Variants in ASAP3 observed in about 807,000 individuals in gnomAD.
ASAP3 encodes the protein arf-GAP with SH3 domain, ANK repeat and PH domain-containing protein 3.
A neutral mutation model predicts 118.2 loss-of-function variants in ASAP3; 85 were observed. That is an observed-to-expected ratio of 0.72 (90% CI 0.60 to 0.86). ASAP3 has a LOEUF of 0.86. Among genes scored for constraint, ASAP3 ranks in the 40% least tolerant of loss-of-function variants. ASAP3 has a pLI of 0.00. For missense variants in ASAP3, 1,026 were observed against 1,175.0 expected, an observed-to-expected ratio of 0.87 and a Z score of 1.85; for synonymous variants, 432 against 477.4, an observed-to-expected ratio of 0.90 and a Z score of 1.24.
chr1:23,481,227 G>A (rs1430621046), intron 1 of ASAP3, among the ~76,000 whole-genome samples: 1 of 152,130 alleles, frequency 6.6e-6, no homozygotes, highest in Non-Finnish European at 1.5e-5. Context: ...GATCTGCCCA[G>A]GGTCCTTCCC....
chr1:23,479,983 G>C (rs1407596720), intron 1 of ASAP3: 1 of 152,004 alleles, frequency 6.6e-6, no homozygotes, highest in South Asian at 2.1e-4. Flanking sequence ...AAGACCAGCC[G>C]GGCAACATAG....
intron 1 of ASAP3, among the ~76,000 whole-genome samples, chr1:23,466,506 C>A (rs147736230): frequency 7.2e-5 from 11 of 152,186 alleles, no homozygotes; most frequent in African/African-American, 2.7e-4. Context: ...CCCTTTGTGT[C>A]CCCTACCCTG....
intron 1 of ASAP3, among the ~76,000 whole-genome samples, chr1:23,456,416 C>T (rs1044462477): frequency 6.6e-6 from 1 of 152,164 alleles, no homozygotes; most frequent in Admixed American, 6.5e-5. Context: ...AAGAAGACCA[C>T]AGACTTTTCT....
chr1:23,466,812 T>C (rs1054432304), intron 1 of ASAP3, among the ~76,000 whole-genome samples: 4 of 152,354 alleles, frequency 2.6e-5, no homozygotes, highest in African/African-American at 9.6e-5. Context: ...TGGACCATTA[T>C]AATATAGTAC....
intron 1 of ASAP3, among the ~76,000 whole-genome samples, chr1:23,480,646 G>A (rs1048256486): frequency 5.9e-5 from 9 of 152,132 alleles, no homozygotes; most frequent in Admixed American, 2.0e-4. Context: ...AATCAAAGTA[G>A]CATCTTTATG....
intron 1 of ASAP3, 24 bp from the exon 2 acceptor site, chr1:23,456,218 T>G: frequency 6.2e-7 from 1 of 1,611,170 alleles, no homozygotes; most frequent in Non-Finnish European, 8.5e-7. Flanking sequence ...TGGACAGAGG[T>G]TCAGGGATGC....
intron 1 of ASAP3, among the ~76,000 whole-genome samples, chr1:23,473,939 G>A (rs1343079944): frequency 2.0e-5 from 3 of 148,780 alleles, no homozygotes; most frequent in African/African-American, 7.5e-5. Flanking sequence ...ATCAGTCCAG[G>A]ATGGTGTGGA....
At chr1:23,475,867 T>G (rs1435057708) in intron 1 of ASAP3, among the ~76,000 whole-genome samples, 1 of 152,086 alleles carries the variant, frequency 6.6e-6, no homozygotes, top group Non-Finnish European at 1.5e-5. Context: ...GCACGAGGAT[T>G]GCTTAAGCCC....
chr1:23,443,283 G>C (rs1640935968), intron 5 of ASAP3, among the ~76,000 whole-genome samples: 1 of 152,084 alleles, frequency 6.6e-6, no homozygotes. Flanking sequence ...GTGAAGCCTG[G>C]GCTTTTAGAG....
At position 23,473,974 on chromosome 1, in the gene ASAP3, CTTT is replaced by C. The variant is rs10664798; in HGVS notation, c.129+10028_129+10030del. On this transcript the variant is annotated intron_variant, in intron 1 of 24. Transcript: ENST00000336689. ...AGGCGAAAATGGCATTAAATCTGCTCTTTTTTTTTTTTTTTTTTTTTTTTGAGA... is the reference window on the plus strand; with the variant it reads ...AGGCGAAAATGGCATTAAATCTGCTCTTTTTTTTTTTTTTTTTTTTTGAGA... Among the ~76,000 whole-genome samples the C allele has an allele frequency of 8.3e-5, 6 of 72,108 alleles. No individual in the cohort carries two copies. In the East Asian group the frequency reaches 1.6e-3, roughly 19 times the overall value. 47.3% of individuals were successfully genotyped at this position (72,108 alleles called of 152,430 possible).
In ASAP3 at chr1:23,428,569, C is replaced by T. The variant is rs1044557349; in HGVS notation, c.*1287G>A. On this transcript the variant is annotated 3_prime_UTR_variant, in exon 25 of 25. Transcript: ENST00000336689. ...CATAAATGAAACCACTGGAAACTGACCCCCCAATCCTTTATTAGAGATGAG... is the reference window on the plus strand; with the variant it reads ...CATAAATGAAACCACTGGAAACTGATCCCCCAATCCTTTATTAGAGATGAG... 2.6e-5 allele frequency: 4 copies of T among 152,340 alleles called. No individual in the cohort carries two copies. Among genetic ancestry groups the T allele is most frequent in the African/African-American group, 7.2e-5 (3 of 41,572 alleles). The allele number at this position is 152,340 out of a possible 1,614,324, so 9.4% of individuals were successfully genotyped here.
chr1:23,437,612 G>T lies in ASAP3; in HGVS notation c.1103-140C>A. On this transcript the variant is annotated intron_variant, in intron 12 of 24. Transcript: ENST00000336689. This position sits in a 1 kb window ranked among gnomAD's most constrained non-coding sequence, Gnocchi z 6.1. ...GGACTCTCAAGCTAGGAGTGGGAAGGGAGTGGAATGACAGTGGCCAGCACC... is the reference window on the plus strand; with the variant it reads ...GGACTCTCAAGCTAGGAGTGGGAAGTGAGTGGAATGACAGTGGCCAGCACC... 1 of 1,056,436 alleles carries T rather than the reference G, an allele frequency of 9.5e-7. No individual in the cohort carries two copies. The highest frequency in any genetic ancestry group is 1.6e-5 in the South Asian group (1 of 62,640). 65.4% of individuals were successfully genotyped at this position (1,056,436 alleles called of 1,614,324 possible). A position where few individuals can be genotyped will look rare whatever the true frequency, so the allele number is the denominator to read the frequency against.
intron 1 of ASAP3, among the ~76,000 whole-genome samples, chr1:23,462,422 C>T (rs1641623443): frequency 6.6e-6 from 1 of 152,106 alleles, no homozygotes; most frequent in Non-Finnish European, 1.5e-5. Flanking sequence ...GCCAAGTTCA[C>T]ATGGCTGTTT....
At chr1:23,474,070 C>T (rs2148660397) in intron 1 of ASAP3, among the ~76,000 whole-genome samples, 1 of 133,832 alleles carries the variant, frequency 7.5e-6, no homozygotes, top group Middle Eastern at 4.9e-3. Context: ...CGGGTTCAAG[C>T]AATTCTCCTG....
At position 23,436,668 on chromosome 1, in the gene ASAP3, A is replaced by G; in HGVS notation, c.1477-14T>C. 1.9e-6 allele frequency: 3 copies of G among 1,614,080 alleles called. No homozygotes were observed. Among genetic ancestry groups the G allele is most frequent in the Non-Finnish European group, 2.5e-6 (3 of 1,179,942 alleles). On this transcript the variant is annotated splice_polypyrimidine_tract_variant and intron_variant, in intron 15 of 24. Transcript: ENST00000336689. The surrounding 1 kb of genome is among the most constrained non-coding windows in gnomAD (Gnocchi z 4.2). ...GTTCAAGGCCAGCTGGAGTCGTAGGAAAATAGACGTGGGGCGGAGTAAGAC... is the reference window on the plus strand; with the variant it reads ...GTTCAAGGCCAGCTGGAGTCGTAGGGAAATAGACGTGGGGCGGAGTAAGAC...
In ASAP3 at chr1:23,434,315, T is replaced by G. The variant is rs1195108295; in HGVS notation, c.1890A>C (p.Ala630=). The change falls in exon 19 of 25, where the codon GCA becomes GCC. Residue 630 remains alanine, a synonymous_variant. Coordinates refer to ENST00000336689, the MANE Select transcript of ASAP3 (RefSeq NM_017707.4). ...ADGNTALHYA[A]LYNQPDCLKL... ...TGAGGCAGTCGGGCTGGTTGTAGAG[T>G]GCTGCGTAGTGCAGAGCCGTGTTCC... 2 of 1,614,010 alleles carry G rather than the reference T, an allele frequency of 1.2e-6. No homozygotes were observed. The highest frequency in any genetic ancestry group is 2.2e-5 in the South Asian group (2 of 91,074).
chr1:23,431,487 G>C (rs1381768790), intron 23 of ASAP3, among the ~76,000 whole-genome samples: 1 of 152,168 alleles, frequency 6.6e-6, no homozygotes, highest in Non-Finnish European at 1.5e-5. Flanking sequence ...AGGATCCCTG[G>C]CTCCTCCTCA....
chr1:23,482,118 C>A (rs999741130), intron 1 of ASAP3, among the ~76,000 whole-genome samples: 4 of 152,150 alleles, frequency 2.6e-5, no homozygotes, highest in Admixed American at 2.6e-4. Flanking sequence ...GGCTAGGCTC[C>A]GTGAGACAAA....
intron 22 of ASAP3, among the ~76,000 whole-genome samples, chr1:23,432,390 C>T (rs1164193083): frequency 6.6e-6 from 1 of 152,172 alleles, no homozygotes; most frequent in Non-Finnish European, 1.5e-5. Context: ...AGCCTTTGTT[C>T]GCGGTGGCCA....
Sources: gnomAD v4.1 joint callset for allele counts (sites outside exome capture counted in the v4.1 genomes callset) on GRCh38, gnomAD v4.1.1 for gene constraint, Gnocchi (gnomAD v3.1) non-coding constraint, MANE v1.5 for transcripts, NCBI Gene and HGNC (gene_info 2026-07-23, HGNC 2026-07-21) for gene names.